CDC14B: variants seen among roughly 807,000 people sequenced by gnomAD.
The protein encoded by CDC14B is dual specificity protein phosphatase CDC14B.
CDC14B carries 22 observed loss-of-function variants against 64.2 expected under a neutral mutation model. The observed-to-expected ratio is 0.34, with a 90% CI of 0.24 to 0.49. The LOEUF (loss-of-function observed/expected upper bound fraction) is 0.49, where lower values mean the gene tolerates loss of function less well. Among genes scored for constraint, CDC14B ranks in the 20% least tolerant of loss-of-function variants. CDC14B has a pLI of 0.99. For synonymous variants in CDC14B, 191 were observed against 215.8 expected (o/e 0.89, Z 1.01); for missense variants, 498 against 629.9 (o/e 0.79, Z 2.24).
intron 7 of CDC14B, among the ~76,000 whole-genome samples, chr9:96,537,176 C>T (rs569853239): frequency 1.8e-3 from 281 of 151,926 alleles, no homozygotes; most frequent in African/African-American, 6.3e-3. Context: ...CTGTAGTCCC[C>T]GTTACTGGGA....
intron 5 of CDC14B, among the ~76,000 whole-genome samples, chr9:96,547,848 T>C (rs1039960709): frequency 1.1e-4 from 16 of 151,814 alleles, no homozygotes; most frequent in Non-Finnish European, 1.9e-4. Flanking sequence ...TTTTTTGAGA[T>C]GGAGCCTCGC....
intron 1 of CDC14B, among the ~76,000 whole-genome samples, chr9:96,603,175 C>CAA (rs889026249): frequency 6.6e-6 from 1 of 151,822 alleles, no homozygotes; most frequent in African/African-American, 2.4e-5. Flanking sequence ...CACACACACA[C>CAA]ACACACACAC....
rs936269241 is a variant in CDC14B at position 96,511,399 on chromosome 9, C to T, written c.1344-1610G>A. 2.1e-4 allele frequency among the ~76,000 whole-genome samples: 32 copies of T among 152,270 alleles called. 1 individual carries two copies. The highest frequency in any genetic ancestry group is 6.5e-4 in the African/African-American group (27 of 41,558). On this transcript the variant is annotated intron_variant, in intron 12 of 13. Coordinates refer to ENST00000375241, the MANE Select transcript of CDC14B (RefSeq NM_033331.4). ...CAGCCTGGCCAAGATGGTGAAACCC[C>T]GTCTCTACTAAAAATACAAAAATTA... is the stretch of plus-strand genomic sequence containing the variant.
chr9:96,520,183 C>T (rs1587793951), intron 12 of CDC14B, among the ~76,000 whole-genome samples: 1 of 152,278 alleles, frequency 6.6e-6, no homozygotes, highest in Middle Eastern at 3.4e-3. Flanking sequence ...CGGGTCTATA[C>T]ACATAACTCA....
intron 1 of CDC14B, among the ~76,000 whole-genome samples, chr9:96,618,979 G>A (rs1847813998): frequency 6.6e-6 from 1 of 152,198 alleles, no homozygotes; most frequent in Admixed American, 6.5e-5. Flanking sequence ...GCTGGTGGAG[G>A]AGGGTGCACA....
chr9:96,595,372 G>A lies in CDC14B; in HGVS notation c.160+23847C>T, dbSNP rs146806889. ...ACAACGAAGCAGAAAAGCATGACAC[G>A]TAAAGAAAATAATCAACCAAAACAG... is the stretch of plus-strand genomic sequence containing the variant. On this transcript the variant is annotated intron_variant, in intron 1 of 13. Transcript: ENST00000375241. Among the ~76,000 whole-genome samples the A allele has an allele frequency of 2.9e-3, 448 of 152,290 alleles. 4 individuals are homozygous for A. The highest frequency in any genetic ancestry group is 4.7e-3 in the Admixed American group (72 of 15,282).
At chr9:96,575,102 G>A (rs1297461085) in intron 1 of CDC14B, among the ~76,000 whole-genome samples, 1 of 152,160 alleles carries the variant, frequency 6.6e-6, no homozygotes, top group Non-Finnish European at 1.5e-5. Context: ...TTTCTTGCCG[G>A]TGCTACATGT....
At position 96,523,297 on chromosome 9, in the gene CDC14B, A is replaced by G; in HGVS notation, c.1209T>C (p.Asn403=). The G allele has an allele frequency of 1.9e-6, 3 of 1,614,084 alleles. No individual in the cohort carries two copies. Among genetic ancestry groups the G allele is most frequent in the Non-Finnish European group, 2.5e-6 (3 of 1,180,010 alleles). The change falls in exon 11 of 14, where the codon AAT becomes AAC. Residue 403 remains asparagine, a synonymous_variant. Coordinates refer to ENST00000375241, the MANE Select transcript of CDC14B (RefSeq NM_033331.4). ...LLSGVDDISI[N]GVENQDQQEP... The stretch of plus-strand genomic sequence containing the variant: ...CTTGCTGATCTTGATTCTCGACCCC[A>G]TTTATGGAAATGTCATCAACGCCAG...
intron 1 of CDC14B, among the ~76,000 whole-genome samples, chr9:96,613,341 G>A (rs1404983643): frequency 1.3e-5 from 2 of 152,214 alleles, no homozygotes; most frequent in African/African-American, 4.8e-5. Flanking sequence ...AACCCCAGCA[G>A]AAACTGGGAA....
chr9:96,496,433 G>C, downstream of CDC14B: 1 of 456,204 alleles, frequency 2.2e-6, no homozygotes, highest in Non-Finnish European at 4.4e-6. Context: ...CTCAGGGCTT[G>C]AGTTTGTGTG....
chr9:96,552,767 T>C (rs12375484), intron 4 of CDC14B, among the ~76,000 whole-genome samples: 42 of 152,298 alleles, frequency 2.8e-4, no homozygotes, highest in Admixed American at 7.2e-4. Context: ...AGAACCTTCC[T>C]GCAGGGCCCT....
chr9:96,613,002 T>C (rs1048505781), intron 1 of CDC14B, among the ~76,000 whole-genome samples: 1 of 152,238 alleles, frequency 6.6e-6, no homozygotes, highest in African/African-American at 2.4e-5. Flanking sequence ...CTAGCCTAAG[T>C]AGCACAGGAC....
chr9:96,517,243 G>A (rs967757833), intron 12 of CDC14B, among the ~76,000 whole-genome samples: 1 of 151,640 alleles, frequency 6.6e-6, no homozygotes, highest in Admixed American at 6.6e-5. Context: ...TCGGGAAGTT[G>A]GGGCAGGAGA....
intron 6 of CDC14B, among the ~76,000 whole-genome samples, chr9:96,539,808 CAG>C (rs1839788291): frequency 6.6e-6 from 1 of 152,152 alleles, no homozygotes; most frequent in African/African-American, 2.4e-5. Flanking sequence ...CCAAAATAAG[CAG>C]AGTGTCTATT....
In CDC14B at chr9:96,608,480, C is replaced by T. The variant is rs191283144; in HGVS notation, c.160+10739G>A. 3.3e-5 allele frequency among the ~76,000 whole-genome samples: 5 copies of T among 152,066 alleles called. No homozygotes were observed. The East Asian group carries it at 5.8e-4, about 18-fold the overall frequency. On this transcript the variant is annotated intron_variant, in intron 1 of 13. Coordinates refer to ENST00000375241, the MANE Select transcript of CDC14B (RefSeq NM_033331.4). ...AGAACAACTCCCCAAAATTTAAGAC[C>T]GACATTTTAATTCTATTATACATTC...
At chr9:96,588,754 G>A (rs185385049) in intron 1 of CDC14B, among the ~76,000 whole-genome samples, 3 of 152,120 alleles carry the variant, frequency 2.0e-5, no homozygotes, top group Non-Finnish European at 2.9e-5. Context: ...GATTACAGAC[G>A]TGAGCCATTG....
chr9:96,505,768 A>G (rs1208466936), intron 13 of CDC14B, among the ~76,000 whole-genome samples: 4 of 152,208 alleles, frequency 2.6e-5, no homozygotes, highest in African/African-American at 9.6e-5. Context: ...ACCGAGGGCC[A>G]CACAGGCTGC....
chr9:96,600,483 A>G (rs1846360794), intron 1 of CDC14B, among the ~76,000 whole-genome samples: 1 of 151,738 alleles, frequency 6.6e-6, no homozygotes, highest in South Asian at 2.1e-4. Flanking sequence ...TGGGATAAGG[A>G]GAGAGTATTC....
At chr9:96,528,705 C>T (rs1299507497) in intron 9 of CDC14B, among the ~76,000 whole-genome samples, 1 of 152,166 alleles carries the variant, frequency 6.6e-6, no homozygotes, top group Non-Finnish European at 1.5e-5. Flanking sequence ...GTTTTATACT[C>T]CCACTAGCAG....
Sources: gnomAD v4.1 joint callset for allele counts (sites outside exome capture counted in the v4.1 genomes callset) on GRCh38, gnomAD v4.1.1 for gene constraint, MANE v1.5 for transcripts, NCBI Gene and HGNC (gene_info 2026-07-23, HGNC 2026-07-21) for gene names.